USP34: variants seen among roughly 807,000 people sequenced by gnomAD.
USP34 encodes ubiquitin carboxyl-terminal hydrolase 34.
Under a neutral mutation model 460.3 loss-of-function variants are expected in USP34, and 70 were observed. The observed-to-expected ratio is 0.15, with a 90% CI of 0.13 to 0.19. The LOEUF (loss-of-function observed/expected upper bound fraction) is 0.19. Ranked by LOEUF, USP34 falls within the 10% of genes least tolerant of loss-of-function variation. The pLI is 1.00. For missense variants in USP34, 3,985 were observed against 4,236.2 expected, an observed-to-expected ratio of 0.94 and a Z score of 1.65; for synonymous variants, 1,647 against 1,405.3, an observed-to-expected ratio of 1.17 and a Z score of -3.85.
rs774474562 is a variant in USP34 at position 61,278,288 on chromosome 2, A to G, written c.5313-3T>C. Reference sequence around the variant, plus strand: ...CCTGATGATCAAGGATCTCCCTACTACAAAAAAGAAAAAAAATACACACAA... The same window carrying G: ...CCTGATGATCAAGGATCTCCCTACTGCAAAAAAGAAAAAAAATACACACAA... On this transcript the variant is annotated splice_region_variant and splice_polypyrimidine_tract_variant and intron_variant, in intron 40 of 79. Coordinates refer to ENST00000398571, the MANE Select transcript of USP34 (RefSeq NM_014709.4). 6.2e-7 allele frequency: 1 copy of G among 1,612,484 alleles called. No individual in the cohort carries two copies. The highest frequency in any genetic ancestry group is 2.2e-5 in the East Asian group (1 of 44,852).
intron 8 of USP34, among the ~76,000 whole-genome samples, chr2:61,377,575 TCTAC>T (rs1462802526): frequency 7.9e-5 from 12 of 152,236 alleles, no homozygotes; most frequent in East Asian, 5.8e-4. Context: ...CAGAGACCTC[TCTAC>T]CTCTTTCCAC....
chr2:61,231,800 C>T (rs1439419465), intron 58 of USP34, among the ~76,000 whole-genome samples: 1 of 105,726 alleles, frequency 9.5e-6, no homozygotes, highest in African/African-American at 4.7e-5. Flanking sequence ...TGTGACAGAG[C>T]AAAACCCTCT....
At chr2:61,314,190 A>G (rs1319715952) in intron 25 of USP34, among the ~76,000 whole-genome samples, 3 of 152,038 alleles carry the variant, frequency 2.0e-5, no homozygotes, top group African/African-American at 7.2e-5. Context: ...CAAATGAAAC[A>G]TATGACTCAA....
intron 25 of USP34, 115 bp from the exon 26 acceptor site, chr2:61,312,025 T>C (rs997586667): frequency 7.9e-7 from 1 of 1,266,162 alleles, no homozygotes; most frequent in Non-Finnish European, 1.1e-6. Context: ...TCTAAGTTCA[T>C]TCCAATGTAT....
chr2:61,351,080 A>G (rs1691929663), intron 10 of USP34, among the ~76,000 whole-genome samples: 1 of 152,198 alleles, frequency 6.6e-6, no homozygotes, highest in Non-Finnish European at 1.5e-5. Context: ...TTTTAAAATT[A>G]GGTGGGTGCT....
chr2:61,239,950 G>C (rs1688198062), intron 53 of USP34, among the ~76,000 whole-genome samples: 1 of 146,896 alleles, frequency 6.8e-6, no homozygotes, highest in African/African-American at 2.5e-5. Flanking sequence ...GGTGGAGCTT[G>C]CAGTGAGCTG....
Position 61,331,371 on chromosome 2 carries a change from C to A in USP34, c.2835G>T (p.Met945Ile), listed in dbSNP as rs1261414184. The A allele has an allele frequency of 1.2e-6, 2 of 1,608,834 alleles. No homozygotes were observed. Among genetic ancestry groups the A allele is most frequent in the Non-Finnish European group, 1.7e-6 (2 of 1,177,864 alleles). Residue 945 changes from methionine (M) to isoleucine (I), a missense_variant and splice_region_variant, in exon 20 of 80, where the codon ATG becomes ATT. Coordinates refer to ENST00000398571, the MANE Select transcript of USP34 (RefSeq NM_014709.4). ...TCATGTTCAGTTCTTTTTCTGCCCACCTGGCCCAAATAAAAGAAAAAATAA... is the reference window on the plus strand; with the variant it reads ...TCATGTTCAGTTCTTTTTCTGCCCAACTGGCCCAAATAAAAGAAAAAATAA... ...GSSYDTHWIT[M>I]WAEKELNMMK...
intron 69 of USP34, among the ~76,000 whole-genome samples, chr2:61,209,981 TA>T (rs1687228534): frequency 6.6e-6 from 1 of 151,520 alleles, no homozygotes; most frequent in Non-Finnish European, 1.5e-5. Flanking sequence ...TATAAAGATA[TA>T]AATACTTTTG....
intron 18 of USP34, among the ~76,000 whole-genome samples, chr2:61,338,159 G>A (rs1004226468): frequency 6.6e-6 from 1 of 152,052 alleles, no homozygotes; most frequent in African/African-American, 2.4e-5. Context: ...CCATCTCTAT[G>A]AAAGTACAAA....
At chr2:61,368,985 AAAT>A (rs1377459353) in intron 10 of USP34, among the ~76,000 whole-genome samples, 2 of 152,220 alleles carry the variant, frequency 1.3e-5, no homozygotes, top group Non-Finnish European at 1.5e-5. Context: ...CAAATAAAAA[AAAT>A]AAGAAAAACA....
intron 39 of USP34, 32 bp downstream of exon 39, chr2:61,280,212 A>G (rs375232069): frequency 2.0e-5 from 24 of 1,228,410 alleles, no homozygotes; most frequent in Non-Finnish European, 2.7e-5. Context: ...AGAAGAGAAT[A>G]CATAGAATAG....
rs559674928 is a variant in USP34, at chr2:61,311,820, T to C, written c.3633A>G (p.Leu1211=). 7 of 1,614,040 alleles carry C rather than the reference T, an allele frequency of 4.3e-6. No individual in the cohort carries two copies. In the East Asian group the frequency reaches 1.6e-4, roughly 36 times the overall value. The part of the protein sequence containing the change: ...KALSDKQSLP[L]RVVCQPAGLP... ...GTCCAGCTGGCTGGCATACAACCCTTAGCGGCAGAGACTGTTTGTCACTCA... is the reference window on the plus strand; with the variant it reads ...GTCCAGCTGGCTGGCATACAACCCTCAGCGGCAGAGACTGTTTGTCACTCA... The change falls in exon 26 of 80, where the codon CTA becomes CTG. Residue 1211 remains leucine, a synonymous_variant. Coordinates refer to ENST00000398571, the MANE Select transcript of USP34 (RefSeq NM_014709.4).
intron 27 of USP34, among the ~76,000 whole-genome samples, chr2:61,310,388 T>C (rs1265350057): frequency 7.2e-5 from 11 of 152,106 alleles, no homozygotes; most frequent in Admixed American, 6.6e-4. Flanking sequence ...TATTACTATA[T>C]AGTGAACTAT....
intron 53 of USP34, among the ~76,000 whole-genome samples, chr2:61,236,676 T>A (rs750892635): frequency 1.3e-5 from 2 of 152,212 alleles, no homozygotes; most frequent in Non-Finnish European, 2.9e-5. Flanking sequence ...AGCAAGTATA[T>A]AATTGAATGA....
intron 1 of USP34, among the ~76,000 whole-genome samples, chr2:61,464,236 T>C (rs1695695879): frequency 6.6e-6 from 1 of 152,060 alleles, no homozygotes; most frequent in African/African-American, 2.4e-5. Flanking sequence ...GGAGAATCAC[T>C]TGAAGCAAGG....
intron 5 of USP34, among the ~76,000 whole-genome samples, chr2:61,389,741 T>G (rs966856178): frequency 3.3e-4 from 51 of 152,302 alleles, no homozygotes; most frequent in Non-Finnish European, 3.5e-4. Context: ...CTTTATCATT[T>G]TTTTTTAAGT....
intron 23 of USP34, among the ~76,000 whole-genome samples, chr2:61,315,870 C>T (rs1437427657): frequency 6.6e-6 from 1 of 151,982 alleles, no homozygotes; most frequent in African/African-American, 2.4e-5. Flanking sequence ...TAACAGAGCA[C>T]GACTACTTCA....
chr2:61,283,576 AGTG>A, intron 35 of USP34, 127 bp from the exon 36 acceptor site: 4 of 149,360 alleles, frequency 2.7e-5, no homozygotes, highest in East Asian at 4.4e-4. Flanking sequence ...TGGGTGTGTG[AGTG>A]AGAGTGAGAG....
At chr2:61,383,912 G>C (rs780088626) in intron 5 of USP34, among the ~76,000 whole-genome samples, 1 of 152,034 alleles carries the variant, frequency 6.6e-6, no homozygotes, top group Non-Finnish European at 1.5e-5. Context: ...TTGCTGAAAA[G>C]ACAAAACCAT....
Sources: allele counts gnomAD v4.1 joint callset (sites outside exome capture counted in the v4.1 genomes callset), GRCh38; gene constraint gnomAD v4.1.1; transcripts MANE v1.5; gene names NCBI Gene and HGNC (gene_info 2026-07-23, HGNC 2026-07-21).